TRIO: variants seen among roughly 807,000 people sequenced by gnomAD.
TRIO encodes the protein triple functional domain protein.
A neutral mutation model predicts 351.9 loss-of-function variants in TRIO; 58 were observed. The ratio of observed to expected loss-of-function variants is 0.16; its 90% CI spans 0.13 to 0.21. The LOEUF is 0.21. Ranked by LOEUF, TRIO falls within the 10% of genes least tolerant of loss-of-function variation. The probability of loss-of-function intolerance (pLI) is 1.00; values close to 1 mark genes in which losing one functional copy is unlikely to be tolerated. For synonymous variants in TRIO, 1,758 were observed against 1,595.7 expected (o/e 1.10, Z -2.42); for missense variants, 3,201 against 4,027.8 (o/e 0.79, Z 5.56).
intron 42 of TRIO, 59 bp from the exon 43 acceptor site, chr5:14,479,860 T>TA: frequency 2.6e-6 from 4 of 1,520,300 alleles, no homozygotes; most frequent in South Asian, 2.3e-5. Context: ...TTACAAAGAC[T>TA]AAAAAATTGC....
Position 14,453,398 on chromosome 5 carries a change from G to A in TRIO, c.5204-7621G>A, listed in dbSNP as rs140597171. Among the ~76,000 whole-genome samples the A allele has an allele frequency of 1.4e-3, 212 of 152,246 alleles. 1 individual carries two copies. The highest frequency in any genetic ancestry group is 4.8e-3 in the African/African-American group (201 of 41,532). ...TAAAAGTGATTTTTAGTACATCCTAGACGCCATGTTAGGCCTGCAGTTACA... is the reference window on the plus strand; with the variant it reads ...TAAAAGTGATTTTTAGTACATCCTAAACGCCATGTTAGGCCTGCAGTTACA... On this transcript the variant is annotated intron_variant, in intron 34 of 56. Coordinates refer to ENST00000344204, the MANE Select transcript of TRIO (RefSeq NM_007118.4).
chr5:14,254,737 A>G (rs1794935362), intron 1 of TRIO, among the ~76,000 whole-genome samples: 1 of 152,232 alleles, frequency 6.6e-6, no homozygotes, highest in African/African-American at 2.4e-5. Flanking sequence ...TCGGACCCTC[A>G]TAGCAACCTG....
At chr5:14,329,481 A>G (rs937634329) in intron 9 of TRIO, among the ~76,000 whole-genome samples, 2 of 152,206 alleles carry the variant, frequency 1.3e-5, no homozygotes, top group African/African-American at 2.4e-5. Flanking sequence ...ACGAGGAACA[A>G]GCCTTCACCA....
chr5:14,472,027 T>C (rs972044600), intron 38 of TRIO, among the ~76,000 whole-genome samples: 2 of 152,146 alleles, frequency 1.3e-5, no homozygotes, highest in African/African-American at 4.8e-5. Flanking sequence ...CAGGTTGATG[T>C]TGGTTGAATG....
chr5:14,349,266 TC>T (rs1378092530), intron 11 of TRIO, among the ~76,000 whole-genome samples: 2 of 144,076 alleles, frequency 1.4e-5, no homozygotes, highest in African/African-American at 5.3e-5. Context: ...CATGTGTTTT[TC>T]CTGTGTGTAT....
At chr5:14,313,108 T>C (rs1739069126) in intron 8 of TRIO, among the ~76,000 whole-genome samples, 1 of 152,356 alleles carries the variant, frequency 6.6e-6, no homozygotes, top group South Asian at 2.1e-4. Flanking sequence ...TTCCATGCTG[T>C]CTGGTTTTAA....
At chr5:14,494,885 T>C (rs26213) in intron 49 of TRIO, among the ~76,000 whole-genome samples, 149,545 of 152,352 alleles carry the variant, frequency 0.98, 73,411 homozygotes, top group East Asian at 1. Flanking sequence ...GGCAGCAGAG[T>C]GAGACTCTGT....
At chr5:14,386,206 A>G (rs1289277641) in intron 21 of TRIO, among the ~76,000 whole-genome samples, 2 of 152,130 alleles carry the variant, frequency 1.3e-5, no homozygotes, top group Non-Finnish European at 2.9e-5. Flanking sequence ...TGAAGGAGCC[A>G]TAGGGATATC....
chr5:14,496,107 T>A (rs548625171), intron 49 of TRIO, among the ~76,000 whole-genome samples: 1 of 152,344 alleles, frequency 6.6e-6, no homozygotes, highest in Non-Finnish European at 1.5e-5. Context: ...GCATTTTTTT[T>A]AGCAAATAAA....
intron 18 of TRIO, among the ~76,000 whole-genome samples, chr5:14,370,894 T>C (rs1329684964): frequency 1.3e-5 from 2 of 152,226 alleles, no homozygotes; most frequent in Admixed American, 1.3e-4. Context: ...TTAGTTCATA[T>C]AATTAAGATA....
chr5:14,462,658 C>A lies in TRIO; in HGVS notation c.5497-97C>A, dbSNP rs541357445. ...TAGCTTTGTTCCTGATTTCTGCCATCCCAGTCTCTGTCCCCACCTTGCTTC... is the reference window on the plus strand; with the variant it reads ...TAGCTTTGTTCCTGATTTCTGCCATACCAGTCTCTGTCCCCACCTTGCTTC... On this transcript the variant is annotated intron_variant, in intron 35 of 56. Transcript: ENST00000344204. 5 of 1,503,534 alleles carry A rather than the reference C, an allele frequency of 3.3e-6. No homozygotes were observed. In the East Asian group the frequency reaches 9.5e-5, roughly 28 times the overall value. 93.1% of individuals were successfully genotyped at this position (1,503,534 alleles called of 1,614,324 possible).
At chr5:14,301,133 A>T (rs1241974643) in intron 7 of TRIO, among the ~76,000 whole-genome samples, 2 of 152,142 alleles carry the variant, frequency 1.3e-5, no homozygotes, top group East Asian at 1.9e-4. Context: ...AATGCTTAGG[A>T]AAAGCAATCT....
intron 1 of TRIO, among the ~76,000 whole-genome samples, chr5:14,229,106 A>C (rs1311509807): frequency 2.0e-5 from 3 of 152,196 alleles, no homozygotes; most frequent in Non-Finnish European, 4.4e-5. Context: ...GATTTATTTA[A>C]AATTAAAAAT....
In TRIO at chr5:14,381,619, C is replaced by T. The variant is rs562835908; in HGVS notation, c.3570+367C>T. 1.3e-4 allele frequency among the ~76,000 whole-genome samples: 20 copies of T among 152,238 alleles called. No homozygotes were observed. The South Asian group carries it at 2.7e-3, about 21-fold the overall frequency. On this transcript the variant is annotated intron_variant, in intron 21 of 56. Transcript: ENST00000344204. ...GTCCCCAAGTTGACCTTTATGTATTCTTGGGGTGTTTTCTTTCCTACACCT... is the reference window on the plus strand; with the variant it reads ...GTCCCCAAGTTGACCTTTATGTATTTTTGGGGTGTTTTCTTTCCTACACCT...
At chr5:14,428,947 C>G (rs1402669888) in intron 34 of TRIO, among the ~76,000 whole-genome samples, 1 of 152,232 alleles carries the variant, frequency 6.6e-6, no homozygotes, top group Non-Finnish European at 1.5e-5. Flanking sequence ...CTCTCACTCT[C>G]TGGAGACTGG....
chr5:14,499,438 C>T (rs1354677833), intron 53 of TRIO, among the ~76,000 whole-genome samples: 1 of 152,214 alleles, frequency 6.6e-6, no homozygotes, highest in Non-Finnish European at 1.5e-5. Flanking sequence ...TACTGGGCTG[C>T]ACCACAAATG....
At chr5:14,392,920 C>T (rs1012784048) in intron 27 of TRIO, among the ~76,000 whole-genome samples, 70 of 152,004 alleles carry the variant, frequency 4.6e-4, no homozygotes, top group African/African-American at 1.6e-3. Flanking sequence ...TGGTGGCGGG[C>T]ACCTGTATCC....
chr5:14,180,377 T>C (rs1023271162), intron 1 of TRIO, among the ~76,000 whole-genome samples: 9 of 152,314 alleles, frequency 5.9e-5, no homozygotes, highest in African/African-American at 2.2e-4. Context: ...AAAACTATGC[T>C]GAGACTTAGT....
intron 1 of TRIO, among the ~76,000 whole-genome samples, chr5:14,268,657 C>T (rs1003612921): frequency 2.0e-5 from 3 of 152,228 alleles, no homozygotes; most frequent in Non-Finnish European, 2.9e-5. Context: ...CTGTCGCTTA[C>T]TCCTTCCTAG....
Sources: allele counts gnomAD v4.1 joint callset (sites outside exome capture counted in the v4.1 genomes callset), GRCh38; gene constraint gnomAD v4.1.1; transcripts MANE v1.5; gene names NCBI Gene and HGNC (gene_info 2026-07-23, HGNC 2026-07-21).